PKHD1: variants seen among roughly 807,000 people sequenced by gnomAD.
The protein encoded by PKHD1 is fibrocystin.
In PKHD1, 291 loss-of-function variants were observed where a neutral mutation model predicts 412.0. The ratio of observed to expected loss-of-function variants is 0.71; its 90% CI spans 0.64 to 0.78. The LOEUF is 0.78. PKHD1 is among the 30% of genes least tolerant of loss of function. The pLI, the probability that PKHD1 is intolerant of heterozygous loss-of-function variation, is 0.00. For missense variants in PKHD1, 4,825 were observed against 4,950.7 expected (o/e 0.97, Z 0.76); for synonymous variants, 1,777 against 1,821.5 (o/e 0.98, Z 0.62).
chr6:51,841,785 T>C (rs1016192535), intron 50 of PKHD1, among the ~76,000 whole-genome samples: 2 of 152,218 alleles, frequency 1.3e-5, no homozygotes, highest in African/African-American at 4.8e-5. Context: ...AAAGGAATTA[T>C]TTTCCAGGAT....
At position 51,748,646 on chromosome 6, in the gene PKHD1, A is replaced by G. The variant is rs1293255485; in HGVS notation, c.8970T>C (p.Asn2990=). 1 of 1,613,714 alleles carries G rather than the reference A, an allele frequency of 6.2e-7. No individual in the cohort carries two copies. Among genetic ancestry groups the G allele is most frequent in the Non-Finnish European group, 8.5e-7 (1 of 1,179,838 alleles). ...GTGACCCGAAGTTCTGAATTTCCAC[A>G]TTAAGAAGTTGAAGGACACCTATAA... ...EEFSGVLQLL[N]VEIQNFGSPL... is the part of the protein sequence containing the mutation. The change falls in exon 58 of 67, where the codon AAT becomes AAC. Residue 2990 remains asparagine (N), a synonymous_variant. Coordinates refer to ENST00000371117, the MANE Select transcript of PKHD1 (RefSeq NM_138694.4).
At chr6:51,899,416 C>A (rs906497420) in intron 43 of PKHD1, among the ~76,000 whole-genome samples, 2 of 152,106 alleles carry the variant, frequency 1.3e-5, no homozygotes, top group Non-Finnish European at 2.9e-5. Context: ...AGACAAAAAC[C>A]ACAGAATTAT....
intron 35 of PKHD1, among the ~76,000 whole-genome samples, chr6:51,962,356 C>T (rs1792182036): frequency 6.6e-6 from 1 of 152,002 alleles, no homozygotes; most frequent in Non-Finnish European, 1.5e-5. Context: ...TGGTGTTATC[C>T]ATTAATTAAT....
chr6:51,694,144 T>C (rs1778497973), intron 60 of PKHD1, among the ~76,000 whole-genome samples: 1 of 152,054 alleles, frequency 6.6e-6, no homozygotes, highest in Non-Finnish European at 1.5e-5. Flanking sequence ...TTATGATGCT[T>C]TTTTTTAAAT....
intron 36 of PKHD1, among the ~76,000 whole-genome samples, chr6:51,941,043 C>T (rs1198491802): frequency 6.6e-6 from 1 of 150,986 alleles, no homozygotes; most frequent in Admixed American, 6.6e-5. Flanking sequence ...CCTTCGCATC[C>T]TCCTCTTGTA....
intron 37 of PKHD1, among the ~76,000 whole-genome samples, chr6:51,918,646 A>G (rs1219762989): frequency 6.6e-6 from 1 of 152,238 alleles, no homozygotes; most frequent in East Asian, 1.9e-4. Context: ...ACAGTGATTC[A>G]ATAAACATAC....
chr6:51,689,115 C>A (rs374955885), intron 60 of PKHD1, among the ~76,000 whole-genome samples: 11 of 152,222 alleles, frequency 7.2e-5, no homozygotes, highest in Non-Finnish European at 1.3e-4. Context: ...ACTGGCAAAC[C>A]AAAACCAGCA....
intron 37 of PKHD1, among the ~76,000 whole-genome samples, chr6:51,927,608 A>G (rs1014699592): frequency 2.6e-5 from 4 of 152,176 alleles, no homozygotes; most frequent in African/African-American, 9.7e-5. Flanking sequence ...AGAGGGCTGC[A>G]TAAGTATCAA....
At chr6:51,638,816 AAC>A (rs112285661) in intron 64 of PKHD1, 31 bp downstream of exon 64, 20 of 1,321,510 alleles carry the variant, frequency 1.5e-5, no homozygotes, top group African/African-American at 5.9e-5. Flanking sequence ...AAAAAAAAAA[AAC>A]ACAGAATAAA....
chr6:52,002,194 T>G (rs1349509151), intron 35 of PKHD1, among the ~76,000 whole-genome samples: 2 of 120,674 alleles, frequency 1.7e-5, no homozygotes, highest in East Asian at 4.5e-4. Flanking sequence ...TGTTGAACTT[T>G]TAGGTTTCTC....
chr6:52,021,219 A>G (rs930514294), intron 33 of PKHD1, among the ~76,000 whole-genome samples: 1 of 152,256 alleles, frequency 6.6e-6, no homozygotes, highest in African/African-American at 2.4e-5. Context: ...CTCTTTAAAA[A>G]ATCATGGAAT....
At chr6:52,077,575 T>C (rs1372323900) in intron 5 of PKHD1, among the ~76,000 whole-genome samples, 1 of 152,184 alleles carries the variant, frequency 6.6e-6, no homozygotes, top group Non-Finnish European at 1.5e-5. Context: ...AATAACTCGG[T>C]TGTTAATCAA....
intron 34 of PKHD1, among the ~76,000 whole-genome samples, chr6:52,015,688 G>T (rs1800434890): frequency 1.3e-5 from 2 of 152,006 alleles, no homozygotes; most frequent in African/African-American, 2.4e-5. Flanking sequence ...GCCGGGCGTG[G>T]TGGTGAGCAC....
At chr6:52,053,037 T>C (rs1401211859) in intron 21 of PKHD1, 39 bp downstream of exon 21, 8 of 1,598,110 alleles carry the variant, frequency 5.0e-6, no homozygotes, top group Non-Finnish European at 5.1e-6. Context: ...GAGGTAGGCA[T>C]GTGACCGGCT....
chr6:51,986,827 G>A (rs750274716), intron 35 of PKHD1, among the ~76,000 whole-genome samples: 37 of 152,322 alleles, frequency 2.4e-4, no homozygotes, highest in Admixed American at 3.9e-4. Flanking sequence ...ACCGCCAGGA[G>A]TTTTGTCCAG....
At chr6:52,082,887 G>A (rs1347224638) in intron 3 of PKHD1, among the ~76,000 whole-genome samples, 1 of 152,166 alleles carries the variant, frequency 6.6e-6, no homozygotes, top group Admixed American at 6.5e-5. Context: ...GAGATGCATT[G>A]CTGAGCACTA....
intron 60 of PKHD1, among the ~76,000 whole-genome samples, chr6:51,739,115 A>T (rs1221394931): frequency 6.8e-6 from 1 of 146,396 alleles, no homozygotes; most frequent in Non-Finnish European, 1.5e-5. Flanking sequence ...ATATTTATAT[A>T]TTTTTTTACA....
intron 22 of PKHD1, among the ~76,000 whole-genome samples, chr6:52,049,063 A>G (rs960997626): frequency 2.0e-5 from 3 of 152,204 alleles, no homozygotes; most frequent in Non-Finnish European, 4.4e-5. Context: ...TATGAGAAAA[A>G]GATGAGAGAA....
intron 43 of PKHD1, among the ~76,000 whole-genome samples, chr6:51,896,585 G>A (rs1298405875): frequency 4.0e-5 from 6 of 151,814 alleles, no homozygotes; most frequent in Admixed American, 3.9e-4. Flanking sequence ...AGAAAAACTG[G>A]AAACTCTAAA....
Sources: gnomAD v4.1 joint callset for allele counts (sites outside exome capture counted in the v4.1 genomes callset) on GRCh38, gnomAD v4.1.1 for gene constraint, MANE v1.5 for transcripts, NCBI Gene and HGNC (gene_info 2026-07-23, HGNC 2026-07-21) for gene names.